The following TMTC1 variants were observed in gnomAD, a reference collection of about 807,000 sequenced individuals.
The protein encoded by TMTC1 is transmembrane O-mannosyltransferase targeting cadherins 1.
A neutral mutation model predicts 104.8 loss-of-function variants in TMTC1; 73 were observed. That is an observed-to-expected ratio of 0.70 (90% CI 0.58 to 0.85). The LOEUF is 0.85. TMTC1 is among the 40% of genes least tolerant of loss of function. The probability of loss-of-function intolerance (pLI) is 0.00; values close to 1 mark genes in which losing one functional copy is unlikely to be tolerated. For synonymous variants in TMTC1, 434 were observed against 428.7 expected, an observed-to-expected ratio of 1.01 and a Z score of -0.15; for missense variants, 1,035 against 1,096.1, an observed-to-expected ratio of 0.94 and a Z score of 0.79.
chr12:29,651,769 A>G (rs767911164), intron 5 of TMTC1, among the ~76,000 whole-genome samples: 28 of 152,342 alleles, frequency 1.8e-4, no homozygotes, highest in Non-Finnish European at 2.4e-4. Flanking sequence ...GAGATAATTT[A>G]GTCTTGGGTG....
intron 5 of TMTC1, among the ~76,000 whole-genome samples, chr12:29,714,964 T>C (rs1251159951): frequency 6.6e-6 from 1 of 152,222 alleles, no homozygotes; most frequent in African/African-American, 2.4e-5. Flanking sequence ...TCTTTCACAT[T>C]AGCCCTTACT....
In TMTC1 at chr12:29,783,388, G is replaced by T; in HGVS notation, c.302+62C>A. 8.0e-7 allele frequency: 1 copy of T among 1,256,708 alleles called. No homozygotes were observed. The highest frequency in any genetic ancestry group is 1.0e-6 in the Non-Finnish European group (1 of 996,102). 77.8% of individuals were successfully genotyped at this position (1,256,708 alleles called of 1,614,324 possible). ...CAAGTCAGTCCCGCAACTTCTCCCG[G>T]TCCGAGGGACGGGCGGAGGGTAGAG... On this transcript the variant is annotated intron_variant, in intron 1 of 17. Coordinates refer to ENST00000539277, the MANE Select transcript of TMTC1 (RefSeq NM_001193451.2). The surrounding 1 kb of genome is among the most constrained non-coding windows in gnomAD (Gnocchi z 4.7).
intron 5 of TMTC1, among the ~76,000 whole-genome samples, chr12:29,644,091 A>ATT (rs1487460017): frequency 3.8e-4 from 12 of 31,398 alleles, no homozygotes; most frequent in Non-Finnish European, 5.8e-4. Context: ...ATAAATATAA[A>ATT]TATAAATATA....
intron 7 of TMTC1, among the ~76,000 whole-genome samples, chr12:29,586,561 T>C: frequency 6.6e-6 from 1 of 152,160 alleles, no homozygotes; most frequent in African/African-American, 2.4e-5. Context: ...AGTATGATAT[T>C]GGCGTGGGTT....
chr12:29,699,649 C>CTTT (rs71444337), intron 5 of TMTC1, among the ~76,000 whole-genome samples: 34 of 86,872 alleles, frequency 3.9e-4, no homozygotes, highest in Non-Finnish European at 5.3e-4. Flanking sequence ...TCATCTGGTG[C>CTTT]TTTTTTTTTT....
chr12:29,588,030 G>A (rs1395125807), intron 7 of TMTC1, among the ~76,000 whole-genome samples: 3 of 152,158 alleles, frequency 2.0e-5, no homozygotes, highest in Non-Finnish European at 4.4e-5. Context: ...TGAAGTTGGA[G>A]CTCTCATTTC....
At chr12:29,742,761 A>G (rs1469315336) in intron 5 of TMTC1, among the ~76,000 whole-genome samples, 2 of 152,224 alleles carry the variant, frequency 1.3e-5, no homozygotes, top group Admixed American at 1.3e-4. Context: ...ATTAAGTGTT[A>G]TCATAAGGAT....
At chr12:29,738,699 C>T (rs116392912) in intron 5 of TMTC1, among the ~76,000 whole-genome samples, 1,544 of 152,238 alleles carry the variant, frequency 0.01, 33 homozygotes, top group African/African-American at 0.035. Context: ...ATAAACTCAG[C>T]AAACTGAATG....
At chr12:29,712,837 G>A (rs1359866257) in intron 5 of TMTC1, among the ~76,000 whole-genome samples, 1 of 152,150 alleles carries the variant, frequency 6.6e-6, no homozygotes, top group East Asian at 1.9e-4. Context: ...AAGCTTATTG[G>A]TGATGTCGAA....
chr12:29,581,692 T>C (rs1265348376), intron 8 of TMTC1, among the ~76,000 whole-genome samples: 8 of 152,198 alleles, frequency 5.3e-5, no homozygotes, highest in Admixed American at 2.0e-4. Flanking sequence ...TTAGTACCTT[T>C]ATTCAGGCAA....
intron 5 of TMTC1, among the ~76,000 whole-genome samples, chr12:29,666,511 G>A (rs1242316950): frequency 1.3e-5 from 2 of 151,938 alleles, no homozygotes; most frequent in Non-Finnish European, 2.9e-5. Context: ...GGGATTACAG[G>A]TGTGAGCCAC....
intron 5 of TMTC1, among the ~76,000 whole-genome samples, chr12:29,644,359 G>T (rs112638548): frequency 0.015 from 2,275 of 151,514 alleles, 56 homozygotes; most frequent in African/African-American, 0.053. Flanking sequence ...TGGGGACTTG[G>T]GGGGAAGAGT....
At chr12:29,774,427 C>T (rs1388488115) in intron 1 of TMTC1, among the ~76,000 whole-genome samples, 1 of 152,166 alleles carries the variant, frequency 6.6e-6, no homozygotes, top group African/African-American at 2.4e-5. Context: ...GAATAGAGTA[C>T]ATTCTTTTCC....
intron 2 of TMTC1, among the ~76,000 whole-genome samples, chr12:29,761,582 G>GT (rs10696109): frequency 0.09 from 13,460 of 149,170 alleles, 1,650 homozygotes; most frequent in African/African-American, 0.29. Flanking sequence ...TGCATTTCTC[G>GT]TTTTTTTTTT....
chr12:29,526,519 C>T (rs950452352), intron 11 of TMTC1, among the ~76,000 whole-genome samples: 1 of 152,110 alleles, frequency 6.6e-6, no homozygotes, highest in African/African-American at 2.4e-5. Flanking sequence ...TAATTCTTGT[C>T]TTGCTTGGGT....
intron 5 of TMTC1, among the ~76,000 whole-genome samples, chr12:29,689,243 T>C (rs1422552657): frequency 1.3e-5 from 2 of 151,510 alleles, no homozygotes; most frequent in Admixed American, 6.6e-5. Flanking sequence ...AAATAAGCCA[T>C]TTTGCTTAAG....
At chr12:29,756,894 C>G (rs1025271553) in intron 3 of TMTC1, among the ~76,000 whole-genome samples, 2 of 152,132 alleles carry the variant, frequency 1.3e-5, no homozygotes, top group Non-Finnish European at 2.9e-5. Context: ...GAATGGCATG[C>G]AAAACCAATC....
intron 5 of TMTC1, among the ~76,000 whole-genome samples, chr12:29,676,558 C>A (rs546617808): frequency 2.0e-5 from 3 of 152,306 alleles, no homozygotes; most frequent in African/African-American, 7.2e-5. Context: ...AAACCTGATG[C>A]CTGCATTCCT....
chr12:29,770,064 C>T lies in TMTC1; in HGVS notation c.303-1989G>A, dbSNP rs191542973. 4.9e-3 allele frequency among the ~76,000 whole-genome samples: 748 copies of T among 151,790 alleles called. 8 individuals are homozygous for T. The highest frequency in any genetic ancestry group is 0.017 in the African/African-American group (710 of 41,414). ...GGCAAGACATCTAACAAGCCAAATC[C>T]TTGATAAATTTGACTACTCCCATGG... is the stretch of plus-strand genomic sequence containing the variant. On this transcript the variant is annotated intron_variant, in intron 1 of 17. Transcript: ENST00000539277.
Sources: gnomAD v4.1 joint callset for allele counts (sites outside exome capture counted in the v4.1 genomes callset) on GRCh38, gnomAD v4.1.1 for gene constraint, Gnocchi (gnomAD v3.1) non-coding constraint, MANE v1.5 for transcripts, NCBI Gene and HGNC (gene_info 2026-07-23, HGNC 2026-07-21) for gene names.